DCBLD2: variants seen among roughly 807,000 people sequenced by gnomAD.
DCBLD2 encodes discoidin, CUB and LCCL domain-containing protein 2.
A neutral mutation model predicts 86.8 loss-of-function variants in DCBLD2; 54 were observed. The ratio of observed to expected loss-of-function variants is 0.62; its 90% CI spans 0.50 to 0.78. The LOEUF is 0.78. Among genes scored for constraint, DCBLD2 ranks in the 30% least tolerant of loss-of-function variants. The pLI, the probability that DCBLD2 is intolerant of heterozygous loss-of-function variation, is 0.00. For synonymous variants in DCBLD2, 354 were observed against 341.3 expected (o/e 1.04, Z -0.41); for missense variants, 908 against 954.2 (o/e 0.95, Z 0.64).
chr3:98,806,573 T>C (rs75151668), intron 13 of DCBLD2, among the ~76,000 whole-genome samples: 3,551 of 152,154 alleles, frequency 0.023, 132 homozygotes, highest in African/African-American at 0.082. Context: ...TGGCTGGTGT[T>C]ACAGCTGGGA....
chr3:98,836,893 C>G (rs1171676537), intron 3 of DCBLD2, among the ~76,000 whole-genome samples: 2 of 78,520 alleles, frequency 2.5e-5, no homozygotes, highest in African/African-American at 9.8e-5. Context: ...ACCTCCCTCC[C>G]GGAGGGGGCG....
At chr3:98,820,420 T>C (rs761160056) in intron 6 of DCBLD2, 132 bp from the exon 7 acceptor site, 72 of 553,994 alleles carry the variant, frequency 1.3e-4, no homozygotes, top group Non-Finnish European at 2.0e-4. Context: ...GGCTAAAAAT[T>C]AGACAACTAA....
chr3:98,825,278 G>GC (rs1942194388), intron 4 of DCBLD2, 37 bp downstream of exon 4: 1 of 994,854 alleles, frequency 1.0e-6, no homozygotes, highest in South Asian at 1.8e-5. Context: ...TAACATTTAA[G>GC]CAAAAAAAAA....
intron 13 of DCBLD2, chr3:98,805,131 C>A (rs1941810417): frequency 6.6e-6 from 1 of 152,174 alleles, no homozygotes; most frequent in Admixed American, 6.6e-5. Flanking sequence ...GCTTTTCCTA[C>A]TGGGAAACAT....
chr3:98,829,065 G>A (rs1038998476), intron 3 of DCBLD2, among the ~76,000 whole-genome samples: 3 of 152,146 alleles, frequency 2.0e-5, no homozygotes, highest in Non-Finnish European at 4.4e-5. Context: ...CCTTTGGGGT[G>A]ATAAATATGT....
At position 98,901,296 on chromosome 3, in the gene DCBLD2, G is replaced by A. The variant is rs1231123447; in HGVS notation, c.31C>T (p.Arg11Cys). 6.7e-7 allele frequency: 1 copy of A among 1,501,164 alleles called. No homozygotes were observed. The highest frequency in any genetic ancestry group is 8.8e-7 in the Non-Finnish European group (1 of 1,132,390). 93.0% of individuals were successfully genotyped at this position (1,501,164 alleles called of 1,614,324 possible). The change falls in exon 1 of 16, where the codon CGC becomes TGC. Residue 11 changes from arginine to cysteine, a missense_variant. Around this residue, in one of 3 missense-constraint regions of DCBLD2, gnomAD observed 294 missense variants for 256.0 expected, o/e 1.15. Transcript: ENST00000326840. MASRAVVRAR[R>C]CPQCPQVRAA... ...CGGACTTGGGGACACTGCGGGCAGC[G>A]CCTGGCTCTCACCACCGCCCGGCTC...
At chr3:98,822,472 TTCA>T (rs1942140478) in intron 5 of DCBLD2, 111 bp from the exon 6 acceptor site, 16 of 1,391,014 alleles carry the variant, frequency 1.2e-5, no homozygotes, top group Non-Finnish European at 1.5e-5. Flanking sequence ...CTTCATAAAC[TTCA>T]TAAACAAAAA....
intron 1 of DCBLD2, among the ~76,000 whole-genome samples, chr3:98,888,679 T>C (rs1334837682): frequency 6.6e-6 from 1 of 152,058 alleles, no homozygotes; most frequent in African/African-American, 2.4e-5. Context: ...CCAGTACACT[T>C]GGCTACAATC....
chr3:98,870,741 G>GAAAGAAAGAAAGAAAGA (rs1553731632), intron 2 of DCBLD2, among the ~76,000 whole-genome samples: 564 of 47,406 alleles, frequency 0.012, 16 homozygotes, highest in African/African-American at 0.019. Context: ...GAAAGAAAAA[G>GAAAGAAAGAAAGAAAGA]AAAGAAAGAA....
chr3:98,893,057 TG>T (rs1256901162), intron 1 of DCBLD2, among the ~76,000 whole-genome samples: 3 of 151,964 alleles, frequency 2.0e-5, no homozygotes, highest in East Asian at 3.9e-4. Context: ...CTCACTGAGC[TG>T]GGGGTGGAAC....
chr3:98,887,998 C>G (rs1943591649), intron 1 of DCBLD2, among the ~76,000 whole-genome samples: 1 of 152,020 alleles, frequency 6.6e-6, no homozygotes, highest in South Asian at 2.1e-4. Flanking sequence ...CTACCTCCCC[C>G]AAAACCCTGG....
intron 2 of DCBLD2, among the ~76,000 whole-genome samples, chr3:98,851,322 G>A (rs1942832572): frequency 6.6e-6 from 1 of 152,122 alleles, no homozygotes; most frequent in Non-Finnish European, 1.5e-5. Context: ...GCCAAATCAT[G>A]AGAGAACTCC....
intron 2 of DCBLD2, among the ~76,000 whole-genome samples, chr3:98,857,380 G>A (rs565082289): frequency 4.6e-5 from 7 of 151,886 alleles, no homozygotes; most frequent in Admixed American, 2.6e-4. Context: ...CTGCTGGCTC[G>A]CCACTGCTGG....
At chr3:98,892,305 T>TGGA (rs1943676071) in intron 1 of DCBLD2, among the ~76,000 whole-genome samples, 3 of 152,026 alleles carry the variant, frequency 2.0e-5, no homozygotes, top group Non-Finnish European at 4.4e-5. Context: ...AATACAGTGG[T>TGGA]CTCTTTATAA....
At position 98,849,498 on chromosome 3, in the gene DCBLD2, G is replaced by A. The variant is rs867321507; in HGVS notation, c.534C>T (p.Arg178=). The A allele has an allele frequency of 7.4e-6, 12 of 1,613,700 alleles. No homozygotes were observed. Among genetic ancestry groups the A allele is most frequent in the East Asian group, 4.5e-5 (2 of 44,864 alleles). ...LFMSGIHVSG[R]GFLASYSVID... is the part of the protein sequence containing the mutation. ...TAACAGAGTATGAGGCCAAAAATCC[G>A]CGTCCAGAAACATGGATTCCACTCA... Residue 178 remains arginine (R), a synonymous_variant, in exon 3 of 16, where the codon CGC becomes CGT. Transcript: ENST00000326840.
At chr3:98,848,215 T>C (rs1156834794) in intron 3 of DCBLD2, among the ~76,000 whole-genome samples, 3 of 152,134 alleles carry the variant, frequency 2.0e-5, no homozygotes, top group African/African-American at 7.2e-5. Flanking sequence ...TGTGAAAACA[T>C]GCAGTATTTG....
intron 1 of DCBLD2, among the ~76,000 whole-genome samples, chr3:98,891,754 T>C (rs1355558141): frequency 6.6e-6 from 1 of 152,170 alleles, no homozygotes; most frequent in African/African-American, 2.4e-5. Flanking sequence ...CTCACCTCTG[T>C]GCCACTGCAC....
chr3:98,828,898 A>T (rs1214499568), intron 3 of DCBLD2, among the ~76,000 whole-genome samples: 1 of 152,216 alleles, frequency 6.6e-6, no homozygotes, highest in Non-Finnish European at 1.5e-5. Flanking sequence ...AAGTGAAAGA[A>T]GCTAGTCACA....
intron 2 of DCBLD2, among the ~76,000 whole-genome samples, chr3:98,867,224 T>A (rs1943165149): frequency 6.6e-6 from 1 of 152,222 alleles, no homozygotes; most frequent in Non-Finnish European, 1.5e-5. Flanking sequence ...TTTAAAGTAG[T>A]TTTTTCCAAT....
Sources: allele counts gnomAD v4.1 joint callset (sites outside exome capture counted in the v4.1 genomes callset), GRCh38; gene constraint gnomAD v4.1.1; regional missense constraint gnomAD v4.1.1; transcripts MANE v1.5; gene names NCBI Gene and HGNC (gene_info 2026-07-23, HGNC 2026-07-21).